The following UACA variants were observed in gnomAD, a reference collection of about 807,000 sequenced individuals.
UACA encodes nuclear membrane binding protein.
UACA carries 112 observed loss-of-function variants against 160.5 expected under a neutral mutation model. The observed-to-expected ratio is 0.70, with a 90% confidence interval of 0.60 to 0.82. The LOEUF is 0.82. Ranked by LOEUF, UACA falls within the 40% of genes least tolerant of loss-of-function variation. UACA has a pLI of 0.00. For missense variants in UACA, 1,574 were observed against 1,614.6 expected, an observed-to-expected ratio of 0.97 and a Z score of 0.43; for synonymous variants, 557 against 568.4, an observed-to-expected ratio of 0.98 and a Z score of 0.29.
chr15:70,703,107 G>A (rs769713305), intron 1 of UACA: 12 of 1,288,972 alleles, frequency 9.3e-6, no homozygotes, highest in Admixed American at 4.6e-5. Context: ...CATTCTCTAC[G>A]ATAGCATACT....
At chr15:70,685,359 T>C (rs559829217) in intron 7 of UACA, among the ~76,000 whole-genome samples, 3 of 152,342 alleles carry the variant, frequency 2.0e-5, no homozygotes, top group South Asian at 4.1e-4. Flanking sequence ...ACATATCCTA[T>C]ATCTAACTCT....
intron 1 of UACA, among the ~76,000 whole-genome samples, chr15:70,742,752 A>G (rs1009675770): frequency 1.3e-5 from 2 of 152,216 alleles, no homozygotes; most frequent in South Asian, 4.1e-4. Context: ...TATAATTTTT[A>G]TTTTGTTTTT....
chr15:70,691,311 T>C lies in UACA; in HGVS notation c.354A>G (p.Gln118=). 1 of 1,605,668 alleles carries C rather than the reference T, an allele frequency of 6.2e-7. No individual in the cohort carries two copies. Residue 118 remains glutamine (Q), a synonymous_variant, in exon 4 of 19, where the codon CAA becomes CAG. Coordinates refer to ENST00000322954, the MANE Select transcript of UACA (RefSeq NM_018003.4). ...CCACTTCCACTACCTGTAGAAGTTT[T>C]TGTAGGCACAATGCATGTCCATACT... ...AAKYGHALCL[Q]KLLQYNCPTE... is the part of the protein sequence containing the mutation.
Position 70,763,460 on chromosome 15 carries a change from C to G in UACA, c.-53G>C. 7.8e-7 allele frequency: 1 copy of G among 1,276,342 alleles called. No homozygotes were observed. Among genetic ancestry groups the G allele is most frequent in the Non-Finnish European group, 1.0e-6 (1 of 1,002,504 alleles). The allele number at this position is 1,276,342 out of a possible 1,614,324, so 79.1% of individuals were successfully genotyped here. ...AACCTTAAAGGCTGCGGAGTGCCAG[C>G]GCGCAAGGAGTAGACGGCAGCGGCT... is the stretch of plus-strand genomic sequence containing the variant. On this transcript the variant is annotated 5_prime_UTR_variant, in exon 1 of 19. Coordinates refer to ENST00000322954, the MANE Select transcript of UACA (RefSeq NM_018003.4).
At chr15:70,761,269 G>A (rs934595679) in intron 1 of UACA, among the ~76,000 whole-genome samples, 1 of 152,166 alleles carries the variant, frequency 6.6e-6, no homozygotes, top group Admixed American at 6.5e-5. Flanking sequence ...TCAGGAAGTG[G>A]GGGCAGGGTG....
intron 7 of UACA, 131 bp from the exon 8 acceptor site, chr15:70,684,577 G>C (rs1897641102): frequency 2.3e-6 from 2 of 855,454 alleles, no homozygotes; most frequent in Non-Finnish European, 3.4e-6. Flanking sequence ...AACACACACT[G>C]CCTCAAAGCA....
intron 1 of UACA, among the ~76,000 whole-genome samples, chr15:70,716,582 A>C (rs1352574671): frequency 1.3e-5 from 2 of 152,344 alleles, no homozygotes; most frequent in East Asian, 1.9e-4. Flanking sequence ...AGTCTAATTC[A>C]ATTTTATAGA....
chr15:70,708,651 A>G (rs1898590248), intron 1 of UACA, among the ~76,000 whole-genome samples: 1 of 152,038 alleles, frequency 6.6e-6, no homozygotes, highest in Non-Finnish European at 1.5e-5. Context: ...TTGTATTTTT[A>G]GTAGAGACAG....
chr15:70,745,406 T>TGGGCAGCTGGGCAGCCTG (rs1899674998), intron 1 of UACA, among the ~76,000 whole-genome samples: 1 of 144,160 alleles, frequency 6.9e-6, no homozygotes, highest in Non-Finnish European at 1.5e-5. Flanking sequence ...GCCACTGCAC[T>TGGGCAGCTGGGCAGCCTG]CCAGCCTGGG....
At position 70,654,866 on chromosome 15, in the gene UACA, A is replaced by C. The variant is rs1379811196; in HGVS notation, c.*2190T>G. ...TTATCTATGTTCCGCTTGTTTACTA[A>C]TTAAAAAGCTTTGGTCTTCAGTGTT... On this transcript the variant is annotated 3_prime_UTR_variant, in exon 19 of 19. Coordinates refer to ENST00000322954, the MANE Select transcript of UACA (RefSeq NM_018003.4). The C allele has an allele frequency of 6.6e-6, 1 of 152,224 alleles. No individual in the cohort carries two copies. Among genetic ancestry groups the C allele is most frequent in the Non-Finnish European group, 1.5e-5 (1 of 68,048 alleles). The allele number at this position is 152,224 out of a possible 1,614,324, so 9.4% of individuals were successfully genotyped here.
chr15:70,668,260 T>C lies in UACA; in HGVS notation c.2424A>G (p.Lys808=). The part of the protein sequence containing the change: ...RLETVFVPPE[K]HEKEIIALKS... Reference sequence around the variant, plus strand: ...TCAGAGCTATTATCTCTTTTTCATGTTTCTCAGGAGGTACAAACACAGTTT... The same window carrying C: ...TCAGAGCTATTATCTCTTTTTCATGCTTCTCAGGAGGTACAAACACAGTTT... Residue 808 remains lysine (K), a synonymous_variant, in exon 16 of 19, where the codon AAA becomes AAG. Coordinates refer to ENST00000322954, the MANE Select transcript of UACA (RefSeq NM_018003.4). 6.2e-7 allele frequency: 1 copy of C among 1,613,478 alleles called. No homozygotes were observed. The highest frequency in any genetic ancestry group is 8.5e-7 in the Non-Finnish European group (1 of 1,179,910).
chr15:70,720,619 A>G (rs1898960899), intron 1 of UACA, among the ~76,000 whole-genome samples: 1 of 152,242 alleles, frequency 6.6e-6, no homozygotes, highest in South Asian at 2.1e-4. Flanking sequence ...GAAATCCTAA[A>G]GAGGTTTAGA....
chr15:70,744,311 G>A (rs970171879), intron 1 of UACA, among the ~76,000 whole-genome samples: 1 of 151,646 alleles, frequency 6.6e-6, no homozygotes, highest in Admixed American at 6.6e-5. Context: ...TAGGCTGTTG[G>A]GTCTCTTAAC....
chr15:70,687,901 A>G (rs748711712), intron 5 of UACA, 81 bp from the exon 6 acceptor site: 30 of 1,374,140 alleles, frequency 2.2e-5, no homozygotes, highest in Middle Eastern at 3.6e-4. Flanking sequence ...CATATAAGGA[A>G]TAAGTTTTTC....
rs767747054 is a variant in UACA at position 70,687,752 on chromosome 15, C to A, written c.493G>T (p.Val165Leu). ...DHGASVNAKD[V>L]DGRTPLVLAT... ...AGAATAAACATAAACTAACTTACTA[C>A]ATCTTTGGCATTCACAGAGGCCCCA... Residue 165 changes from valine to leucine, a missense_variant and splice_region_variant, in exon 6 of 19, where the codon GTA becomes TTA. Physicochemically the swap from Val to Leu is conservative, Grantham distance 32 (BLOSUM62 1). Transcript: ENST00000322954. The A allele has an allele frequency of 6.8e-6, 11 of 1,613,712 alleles. No homozygotes were observed. Among genetic ancestry groups the A allele is most frequent in the Non-Finnish European group, 9.3e-6 (11 of 1,179,752 alleles).
intron 1 of UACA, among the ~76,000 whole-genome samples, chr15:70,753,747 T>C (rs2030232524): frequency 6.6e-6 from 1 of 152,266 alleles, no homozygotes; most frequent in Non-Finnish European, 1.5e-5. Flanking sequence ...CACTAGCATT[T>C]ACTGAGTACT....
intron 1 of UACA, among the ~76,000 whole-genome samples, chr15:70,707,111 A>C (rs1898543709): frequency 6.6e-6 from 1 of 152,202 alleles, no homozygotes; most frequent in African/African-American, 2.4e-5. Flanking sequence ...GGAATAAAGT[A>C]AACAGCCCAC....
intron 1 of UACA, among the ~76,000 whole-genome samples, chr15:70,751,793 T>G (rs750104403): frequency 1.7e-4 from 26 of 152,214 alleles, no homozygotes; most frequent in Non-Finnish European, 2.8e-4. Context: ...TTTCTAAGAC[T>G]GAGAAACACT....
chr15:70,747,348 A>T (rs759308492), intron 1 of UACA, among the ~76,000 whole-genome samples: 1 of 150,610 alleles, frequency 6.6e-6, no homozygotes. Flanking sequence ...GGTTCAAGCA[A>T]TTCCCCCGCC....
Sources: allele counts gnomAD v4.1 joint callset (sites outside exome capture counted in the v4.1 genomes callset), GRCh38; gene constraint gnomAD v4.1.1; transcripts MANE v1.5; gene names NCBI Gene and HGNC (gene_info 2026-07-23, HGNC 2026-07-21).